Variants in MIB1 observed in about 807,000 individuals in gnomAD.
MIB1 encodes the protein E3 ubiquitin-protein ligase MIB1.
A neutral mutation model predicts 124.5 loss-of-function variants in MIB1; 278 were observed. That is an observed-to-expected ratio of 2.23 (90% CI 2.02 to 2.47). The LOEUF (loss-of-function observed/expected upper bound fraction) is 2.47. Ranked by LOEUF, MIB1 falls within the 30% of genes most tolerant of loss-of-function variation. The pLI is 0.00. For missense variants in MIB1, 957 were observed against 1,254.4 expected, an observed-to-expected ratio of 0.76 and a Z score of 3.58; for synonymous variants, 446 against 429.4, an observed-to-expected ratio of 1.04 and a Z score of -0.48.
intron 18 of MIB1, among the ~76,000 whole-genome samples, chr18:21,855,602 A>G (rs2042219205): frequency 6.6e-6 from 1 of 152,232 alleles, no homozygotes; most frequent in South Asian, 2.1e-4. Flanking sequence ...ACCGAGCGTC[A>G]GACCCATTTA....
At position 21,765,836 on chromosome 18, in the gene MIB1, G is replaced by T; in HGVS notation, c.294G>T (p.Trp98Cys). The T allele has an allele frequency of 6.2e-7, 1 of 1,614,158 alleles. No homozygotes were observed. The highest frequency in any genetic ancestry group is 1.1e-5 in the South Asian group (1 of 91,076). The change falls in exon 2 of 21, where the codon TGG becomes TGT. Residue 98 changes from tryptophan to cysteine, a missense_variant. Trp to Cys is a radical substitution (Grantham distance 215, BLOSUM62 -2). Coordinates refer to ENST00000261537, the MANE Select transcript of MIB1 (RefSeq NM_020774.4). ...AGCAACCAATCATTGGCATTCGATG[G>T]AAGTGTGCAGAGTGTACAAATTATG... The part of the protein sequence containing the change: ...CRQQPIIGIR[W>C]KCAECTNYDL...
chr18:21,781,365 T>TTTTATATA (rs1373138711), intron 6 of MIB1, among the ~76,000 whole-genome samples: 1 of 67,254 alleles, frequency 1.5e-5, no homozygotes, highest in African/African-American at 5.1e-5. Context: ...TCTGTTCAAG[T>TTTTATATA]TATATATATA....
At chr18:21,863,428 A>G (rs1452707836) in intron 20 of MIB1, among the ~76,000 whole-genome samples, 2 of 152,206 alleles carry the variant, frequency 1.3e-5, no homozygotes, top group African/African-American at 2.4e-5. Flanking sequence ...TGGTGAAGGC[A>G]GAGAGTTTTA....
chr18:21,767,610 C>T (rs2041177125), intron 2 of MIB1, among the ~76,000 whole-genome samples: 1 of 151,964 alleles, frequency 6.6e-6, no homozygotes, highest in Non-Finnish European at 1.5e-5. Flanking sequence ...TGCAGTGGCA[C>T]AATGTTGGCT....
chr18:21,806,125 A>G (rs1240420547), intron 10 of MIB1, among the ~76,000 whole-genome samples: 1 of 150,006 alleles, frequency 6.7e-6, no homozygotes, highest in African/African-American at 2.4e-5. Flanking sequence ...CTGATCTCTA[A>G]CTCCTGACCT....
chr18:21,823,143 A>G (rs928455677), intron 12 of MIB1, among the ~76,000 whole-genome samples: 1 of 151,760 alleles, frequency 6.6e-6, no homozygotes, highest in Non-Finnish European at 1.5e-5. Context: ...CTGAGACATG[A>G]GAATCACCTG....
intron 1 of MIB1, among the ~76,000 whole-genome samples, chr18:21,705,435 T>G (rs1037723393): frequency 6.6e-6 from 1 of 152,218 alleles, no homozygotes; most frequent in Admixed American, 6.5e-5. Context: ...TAGAGACTTA[T>G]GGAAATTCAC....
At chr18:21,754,390 A>T (rs2041007792) in intron 1 of MIB1, among the ~76,000 whole-genome samples, 1 of 152,194 alleles carries the variant, frequency 6.6e-6, no homozygotes, top group Non-Finnish European at 1.5e-5. Context: ...TAGTGTGATG[A>T]ACTCTCCTGC....
At chr18:21,737,230 A>C (rs1237865627), upstream of MIB1, among the ~76,000 whole-genome samples, 1 of 152,242 alleles carries the variant, frequency 6.6e-6, no homozygotes, top group Non-Finnish European at 1.5e-5. Context: ...CCAATATTCA[A>C]CATTCTTAAA....
chr18:21,707,384 G>A (rs1472044367), intron 1 of MIB1, among the ~76,000 whole-genome samples: 37 of 152,230 alleles, frequency 2.4e-4, no homozygotes, highest in Admixed American at 2.1e-3. Context: ...TCAGCAGGAT[G>A]TGGGTGGGGC....
intron 13 of MIB1, among the ~76,000 whole-genome samples, chr18:21,841,787 A>C (rs1161219074): frequency 1.3e-5 from 2 of 152,208 alleles, no homozygotes; most frequent in Admixed American, 1.3e-4. Flanking sequence ...TGTAGCAGCT[A>C]TTATTAGCCC....
intron 10 of MIB1, among the ~76,000 whole-genome samples, chr18:21,812,125 C>T (rs939063374): frequency 6.6e-6 from 1 of 152,040 alleles, no homozygotes; most frequent in Admixed American, 6.6e-5. Flanking sequence ...GGAAATTTCA[C>T]AGGAGAAGTG....
chr18:21,748,604 A>G (rs745894965), intron 1 of MIB1, among the ~76,000 whole-genome samples: 48 of 149,428 alleles, frequency 3.2e-4, no homozygotes, highest in Non-Finnish European at 5.9e-4. Context: ...TAATTTGTGT[A>G]TTTTTTTGTA....
At chr18:21,710,219 C>T (rs1303822622) in intron 1 of MIB1, among the ~76,000 whole-genome samples, 4 of 151,906 alleles carry the variant, frequency 2.6e-5, no homozygotes, top group Admixed American at 6.6e-5. Flanking sequence ...CTTAGCCTCC[C>T]GAGTTAACTG....
chr18:21,849,502 G>T, intron 17 of MIB1, 114 bp downstream of exon 17: 1 of 501,890 alleles, frequency 2.0e-6, no homozygotes, highest in Non-Finnish European at 3.3e-6. Flanking sequence ...TCCAAACAAT[G>T]ATTTAAATAT....
At chr18:21,706,795 G>C (rs757172014) in intron 1 of MIB1, among the ~76,000 whole-genome samples, 1 of 152,094 alleles carries the variant, frequency 6.6e-6, no homozygotes, top group African/African-American at 2.4e-5. Flanking sequence ...TGCCTGAGCC[G>C]CACCCCCCGC....
chr18:21,771,091 T>A (rs2041219689), intron 3 of MIB1, among the ~76,000 whole-genome samples: 2 of 152,240 alleles, frequency 1.3e-5, no homozygotes, highest in Admixed American at 6.5e-5. Flanking sequence ...TTAAGATTGA[T>A]GAACAGGTGC....
intron 12 of MIB1, among the ~76,000 whole-genome samples, chr18:21,836,756 C>G (rs2042037024): frequency 6.6e-6 from 1 of 152,012 alleles, no homozygotes; most frequent in African/African-American, 2.4e-5. Context: ...TTTAAATTTT[C>G]CAGAACTGTT....
intron 10 of MIB1, among the ~76,000 whole-genome samples, chr18:21,814,033 C>T (rs1410765848): frequency 6.6e-6 from 1 of 152,218 alleles, no homozygotes; most frequent in African/African-American, 2.4e-5. Flanking sequence ...GCTATGTATA[C>T]TACCTTCATG....
Sources: allele counts gnomAD v4.1 joint callset (sites outside exome capture counted in the v4.1 genomes callset), GRCh38; gene constraint gnomAD v4.1.1; transcripts MANE v1.5; gene names NCBI Gene and HGNC (gene_info 2026-07-23, HGNC 2026-07-21).